The following SAMD5 variants were observed in gnomAD, a reference collection of about 807,000 sequenced individuals.
The protein encoded by SAMD5 is sterile alpha motif domain-containing protein 5.
SAMD5 carries 13 observed loss-of-function variants against 11.3 expected under a neutral mutation model. The ratio of observed to expected loss-of-function variants is 1.15; its 90% CI spans 0.75 to 1.83. The LOEUF is 1.83. Among genes scored for constraint, SAMD5 ranks in the 40% most tolerant of loss-of-function variants. The probability of loss-of-function intolerance (pLI) is 0.00; values close to 1 mark genes in which losing one functional copy is unlikely to be tolerated. For missense variants in SAMD5, 255 were observed against 239.1 expected (o/e 1.07, Z -0.44); for synonymous variants, 129 against 111.3 (o/e 1.16, Z -1.00).
At chr6:147,782,326 G>C in the SAMD5 span, among the ~76,000 whole-genome samples, 1 of 152,148 alleles carries the variant, frequency 6.6e-6, no homozygotes, top group South Asian at 2.1e-4. Flanking sequence ...GTTGCGTTCA[G>C]ATACATTCTT....
At chr6:147,948,022 G>A in the SAMD5 span, among the ~76,000 whole-genome samples, 2 of 151,638 alleles carry the variant, frequency 1.3e-5, no homozygotes, top group African/African-American at 4.8e-5. Flanking sequence ...TCATCTGTAC[G>A]GTATTAATGT....
the SAMD5 span, among the ~76,000 whole-genome samples, chr6:147,864,250 A>C: frequency 1.3e-5 from 2 of 152,136 alleles, 1 homozygote; most frequent in South Asian, 4.1e-4. Flanking sequence ...ATGCTGAGGG[A>C]CCTGGCTAAA....
chr6:147,715,598 G>A (rs768362489), intron 1 of SAMD5, among the ~76,000 whole-genome samples: 1 of 152,182 alleles, frequency 6.6e-6, no homozygotes, highest in Non-Finnish European at 1.5e-5. Flanking sequence ...AGGCGAGCAA[G>A]GGGCATGTTT....
chr6:147,668,161 G>A (rs1790747263), intron 1 of SAMD5, among the ~76,000 whole-genome samples: 1 of 152,082 alleles, frequency 6.6e-6, no homozygotes, highest in African/African-American at 2.4e-5. Context: ...CTTTTCAGAA[G>A]GAAACTTTGT....
chr6:147,617,186 T>C (rs1411851756), intron 1 of SAMD5, among the ~76,000 whole-genome samples: 6 of 152,236 alleles, frequency 3.9e-5, no homozygotes, highest in Non-Finnish European at 7.3e-5. Flanking sequence ...GAAAAGATGC[T>C]GTCCTCTGAA....
At chr6:147,770,109 A>G in the SAMD5 span, among the ~76,000 whole-genome samples, 1 of 152,216 alleles carries the variant, frequency 6.6e-6, no homozygotes. Context: ...ATGCTTGGGT[A>G]TATAGCTGGG....
chr6:147,733,887 C>A (rs1476614973), intron 1 of SAMD5: 2 of 200,806 alleles, frequency 1.0e-5, no homozygotes, highest in Non-Finnish European at 1.8e-5. Flanking sequence ...TTCCCTCGGA[C>A]AGTGTTAACT....
In SAMD5 at chr6:147,702,482, A is replaced by G. The variant is rs181910170; in HGVS notation, c.163-34835A>G. On this transcript the variant is annotated intron_variant, in intron 1 of 1. Transcript: ENST00000566741. ...AACTGATTTACAGAGGAGAAACACT[A>G]GATACATTTGGTGATAAAAGATTTT... Among the ~76,000 whole-genome samples, 289 of 152,348 alleles carry G rather than the reference A, an allele frequency of 1.9e-3. 3 individuals are homozygous for G. Among genetic ancestry groups the G allele is most frequent in the African/African-American group, 6.7e-3 (277 of 41,586 alleles).
At chr6:147,576,740 C>T (rs1789222986) in intron 1 of SAMD5, among the ~76,000 whole-genome samples, 1 of 152,216 alleles carries the variant, frequency 6.6e-6, no homozygotes, top group Non-Finnish European at 1.5e-5. Flanking sequence ...AGAAAATTAA[C>T]TTCTGTTATC....
At chr6:147,546,516 G>A (rs1031920376) in intron 1 of SAMD5, among the ~76,000 whole-genome samples, 3 of 129,744 alleles carry the variant, frequency 2.3e-5, no homozygotes, top group Non-Finnish European at 3.1e-5. Flanking sequence ...GGCAACAAGA[G>A]CGAAACTCTG....
chr6:147,875,648 C>A, the SAMD5 span, among the ~76,000 whole-genome samples: 1 of 152,204 alleles, frequency 6.6e-6, no homozygotes, highest in South Asian at 2.1e-4. Context: ...CACAGCCACT[C>A]CCCATCACTC....
chr6:147,537,451 A>T (rs1377641407), intron 1 of SAMD5, among the ~76,000 whole-genome samples: 5 of 152,100 alleles, frequency 3.3e-5, no homozygotes, highest in African/African-American at 4.8e-5. Context: ...ACTCCAAAAA[A>T]ATTTTTAAAA....
chr6:147,901,166 A>G, the SAMD5 span, among the ~76,000 whole-genome samples: 1 of 152,142 alleles, frequency 6.6e-6, no homozygotes, highest in Non-Finnish European at 1.5e-5. Context: ...TATTATAGAG[A>G]TATTATAAGG....
At chr6:147,911,790 C>T in the SAMD5 span, among the ~76,000 whole-genome samples, 1 of 152,216 alleles carries the variant, frequency 6.6e-6, no homozygotes, top group African/African-American at 2.4e-5. Flanking sequence ...AGCTGAGTAG[C>T]TGGTCTGGGC....
At chr6:147,809,460 T>G in the SAMD5 span, among the ~76,000 whole-genome samples, 1 of 152,074 alleles carries the variant, frequency 6.6e-6, no homozygotes, top group African/African-American at 2.4e-5. Context: ...CTAAAGCTAT[T>G]GCCACTTGGA....
At chr6:147,877,899 A>AGCTAGCTAGC in the SAMD5 span, among the ~76,000 whole-genome samples, 21 of 95,714 alleles carry the variant, frequency 2.2e-4, no homozygotes, top group South Asian at 6.8e-4. Flanking sequence ...AGATAGCTAG[A>AGCTAGCTAGC]TAGATAGATA....
chr6:147,586,359 A>G (rs1344546305), intron 1 of SAMD5, among the ~76,000 whole-genome samples: 2 of 152,204 alleles, frequency 1.3e-5, no homozygotes, highest in African/African-American at 4.8e-5. Flanking sequence ...GAGAAACCCT[A>G]GTACACATAC....
chr6:147,646,219 A>T (rs1469988875), intron 1 of SAMD5, among the ~76,000 whole-genome samples: 2 of 152,138 alleles, frequency 1.3e-5, no homozygotes, highest in Non-Finnish European at 2.9e-5. Flanking sequence ...AGGAAGCCTT[A>T]CTGATAACAT....
chr6:147,714,298 C>T (rs182873473), intron 1 of SAMD5, among the ~76,000 whole-genome samples: 8 of 152,276 alleles, frequency 5.3e-5, no homozygotes, highest in Non-Finnish European at 7.3e-5. Flanking sequence ...CTGACTTAGT[C>T]ATGAGCTGTA....
Sources: gnomAD v4.1 joint callset for allele counts (sites outside exome capture counted in the v4.1 genomes callset) on GRCh38, gnomAD v4.1.1 for gene constraint, MANE v1.5 for transcripts, NCBI Gene and HGNC (gene_info 2026-07-23, HGNC 2026-07-21) for gene names.